The following MNDA variants were observed in gnomAD, a reference collection of about 807,000 sequenced individuals.
The protein encoded by MNDA is epididymis secretory sperm binding protein.
MNDA carries 43 observed loss-of-function variants against 37.8 expected under a neutral mutation model. The observed-to-expected ratio is 1.14, with a 90% CI of 0.89 to 1.47. The LOEUF is 1.47. Among genes scored for constraint, MNDA ranks in the 40% most tolerant of loss-of-function variants. The pLI, the probability that MNDA is intolerant of heterozygous loss-of-function variation, is 0.00. For missense variants in MNDA, 536 were observed against 476.0 expected, an observed-to-expected ratio of 1.13 and a Z score of -1.17; for synonymous variants, 181 against 169.0, an observed-to-expected ratio of 1.07 and a Z score of -0.55.
At chr1:158,843,473 A>G in intron 3 of MNDA, 58 bp downstream of exon 3, 3 of 1,482,064 alleles carry the variant, frequency 2.0e-6, no homozygotes, top group Non-Finnish European at 2.7e-6. Context: ...CTGCTATGGC[A>G]CGTGGCTCTT....
chr1:158,848,010 G>A (rs1041102352), intron 6 of MNDA, 94 bp downstream of exon 6: 1 of 1,107,966 alleles, frequency 9.0e-7, no homozygotes, highest in East Asian at 2.4e-5. Context: ...ATTACTCAGA[G>A]AGTCCAGCGA....
chr1:158,842,174 A>C lies in MNDA; in HGVS notation c.21A>C (p.Lys7Asn). The change falls in exon 2 of 7, where the codon AAA (lysine) becomes AAC (asparagine). Residue 7 changes from lysine (K) to asparagine (N), a missense_variant. Physicochemically the swap from Lys to Asn is moderately conservative, Grantham distance 94. Transcript: ENST00000368141. The stretch of plus-strand genomic sequence containing the variant: ...CAGAAATGGTGAATGAATACAAGAA[A>C]ATTCTTTTGCTGAAAGGATTTGAGC... MVNEYK[K>N]ILLLKGFELM... 1 of 1,611,048 alleles carries C rather than the reference A, an allele frequency of 6.2e-7. No homozygotes were observed. The highest frequency in any genetic ancestry group is 2.2e-5 in the East Asian group (1 of 44,850).
At chr1:158,847,569 T>C (rs1659157740) in intron 5 of MNDA, among the ~76,000 whole-genome samples, 159 bp from the exon 6 acceptor site, 1 of 152,038 alleles carries the variant, frequency 6.6e-6, no homozygotes, top group Non-Finnish European at 1.5e-5. Context: ...TGCTGGATAA[T>C]AAAAGATGGA....
chr1:158,847,989 G>A, intron 6 of MNDA, 73 bp downstream of exon 6: 1 of 1,390,454 alleles, frequency 7.2e-7, no homozygotes, highest in African/African-American at 1.4e-5. Context: ...GGAACACCAG[G>A]TTCCTCATGT....
chr1:158,834,800 T>G (rs767942829), intron 1 of MNDA, among the ~76,000 whole-genome samples: 1 of 152,214 alleles, frequency 6.6e-6, no homozygotes, highest in Non-Finnish European at 1.5e-5. Context: ...TTACATTTTG[T>G]ATATGATGTA....
In MNDA at chr1:158,849,271, G is replaced by A. The variant is rs374008772; in HGVS notation, c.*34G>A. ...AGCTGAAATGCAACAAACAACTTCC[G>A]CTTAAAACAATTAAGTTGTTAATAA... On this transcript the variant is annotated 3_prime_UTR_variant, in exon 7 of 7. Transcript: ENST00000368141. The A allele has an allele frequency of 1.7e-5, 27 of 1,579,940 alleles. No homozygotes were observed. Among genetic ancestry groups the A allele is most frequent in the South Asian group, 4.5e-5 (4 of 88,278 alleles).
intron 1 of MNDA, among the ~76,000 whole-genome samples, chr1:158,831,762 T>C (rs1658807678): frequency 6.6e-6 from 1 of 152,182 alleles, no homozygotes; most frequent in Admixed American, 6.5e-5. Context: ...AAAAAATGTA[T>C]TTTGTCTACA....
At chr1:158,842,545 G>T in intron 2 of MNDA, 127 bp downstream of exon 2, 1 of 998,150 alleles carries the variant, frequency 1.0e-6, no homozygotes, top group Non-Finnish European at 1.5e-6. Context: ...TGGGGATGTT[G>T]GCACCTCAGA....
intron 1 of MNDA, among the ~76,000 whole-genome samples, chr1:158,833,294 C>G (rs1015190019): frequency 6.6e-6 from 1 of 152,152 alleles, no homozygotes; most frequent in African/African-American, 2.4e-5. Context: ...CTTCTGAAAG[C>G]TTTGAATATA....
chr1:158,841,688 A>C (rs897593546), intron 1 of MNDA, among the ~76,000 whole-genome samples: 2 of 152,074 alleles, frequency 1.3e-5, no homozygotes, highest in African/African-American at 2.4e-5. Flanking sequence ...GAGTGGCTGC[A>C]GCCCATTTAT....
chr1:158,846,479 T>C lies in MNDA; in HGVS notation c.987+476T>C, dbSNP rs541434086. The stretch of plus-strand genomic sequence containing the variant: ...TGCAAATACATTCAACAGCTATCCA[T>C]ACAATCTAAACATTTGTGCTTAGAT... On this transcript the variant is annotated intron_variant, in intron 5 of 6. Coordinates refer to ENST00000368141, the MANE Select transcript of MNDA (RefSeq NM_002432.3). Among the ~76,000 whole-genome samples the C allele has an allele frequency of 7.2e-5, 11 of 152,372 alleles. No individual in the cohort carries two copies. In the South Asian group the frequency reaches 2.3e-3, roughly 32 times the overall value.
chr1:158,837,605 C>A (rs1224807022), intron 1 of MNDA, among the ~76,000 whole-genome samples: 1 of 151,602 alleles, frequency 6.6e-6, no homozygotes, highest in Non-Finnish European at 1.5e-5. Flanking sequence ...GTAAAATGAG[C>A]CTCTTGTATG....
At chr1:158,846,567 GA>G (rs1659138151) in intron 5 of MNDA, among the ~76,000 whole-genome samples, 1 of 151,812 alleles carries the variant, frequency 6.6e-6, no homozygotes, top group Admixed American at 6.6e-5. Context: ...GAACAACTGA[GA>G]AATATTGAAT....
chr1:158,847,559 T>A (rs1659157478), intron 5 of MNDA, among the ~76,000 whole-genome samples, 169 bp from the exon 6 acceptor site: 1 of 151,820 alleles, frequency 6.6e-6, no homozygotes, highest in South Asian at 2.1e-4. Context: ...GAAAAAAAAA[T>A]GCTGGATAAT....
intron 1 of MNDA, among the ~76,000 whole-genome samples, chr1:158,839,908 G>A (rs547056642): frequency 1.3e-5 from 2 of 152,272 alleles, no homozygotes; most frequent in East Asian, 3.9e-4. Flanking sequence ...GTCACTCTCA[G>A]TGAGAAGAGA....
chr1:158,834,552 C>G lies in MNDA; in HGVS notation c.-21+2995C>G, dbSNP rs550506998. ...CAAATATATAAAGTGTGAATATTTT[C>G]TCTCATTCTCTAGGTTCCCTTTTTT... On this transcript the variant is annotated intron_variant, in intron 1 of 6. Coordinates refer to ENST00000368141, the MANE Select transcript of MNDA (RefSeq NM_002432.3). Among the ~76,000 whole-genome samples the G allele has an allele frequency of 7.2e-5, 11 of 152,134 alleles. No homozygotes were observed. The East Asian group carries it at 1.9e-3, about 27-fold the overall frequency.
intron 4 of MNDA, among the ~76,000 whole-genome samples, chr1:158,844,425 C>A (rs535323236): frequency 2.0e-5 from 3 of 151,020 alleles, no homozygotes; most frequent in East Asian, 3.9e-4. Context: ...CATCTTTGCT[C>A]CCCACACTTC....
At chr1:158,846,507 G>A (rs1209004935) in intron 5 of MNDA, among the ~76,000 whole-genome samples, 1 of 152,118 alleles carries the variant, frequency 6.6e-6, no homozygotes, top group Non-Finnish European at 1.5e-5. Context: ...GCTTAGATCA[G>A]TTGCCCTTCT....
At chr1:158,848,240 G>A (rs1399163345) in intron 6 of MNDA, among the ~76,000 whole-genome samples, 3 of 152,182 alleles carry the variant, frequency 2.0e-5, no homozygotes, top group Non-Finnish European at 1.5e-5. Context: ...CTAGTTGGCT[G>A]ATATTGGGGA....
Sources: allele counts gnomAD v4.1 joint callset (sites outside exome capture counted in the v4.1 genomes callset), GRCh38; gene constraint gnomAD v4.1.1; transcripts MANE v1.5; gene names NCBI Gene and HGNC (gene_info 2026-07-23, HGNC 2026-07-21).